Variants in ALDH4A1 observed in about 807,000 individuals in gnomAD.
The protein encoded by ALDH4A1 is aldehyde dehydrogenase 4 family member A1.
In ALDH4A1, 46 loss-of-function variants were observed where a neutral mutation model predicts 70.5. That is an observed-to-expected ratio of 0.65 (90% CI 0.51 to 0.83). ALDH4A1 has a LOEUF of 0.83. Ranked by LOEUF, ALDH4A1 falls within the 40% of genes least tolerant of loss-of-function variation. The probability of loss-of-function intolerance (pLI) is 0.00; values close to 1 mark genes in which losing one functional copy is unlikely to be tolerated. For missense variants in ALDH4A1, 749 were observed against 766.5 expected (o/e 0.98, Z 0.27); for synonymous variants, 323 against 324.3 (o/e 1.00, Z 0.04).
rs1036520545 is a variant in ALDH4A1 at position 18,880,041 on chromosome 1, G to A, written c.867-668C>T. On this transcript the variant is annotated intron_variant, in intron 8 of 14. Coordinates refer to ENST00000375341, the MANE Select transcript of ALDH4A1 (RefSeq NM_003748.4). The surrounding 1 kb of genome is among the most constrained non-coding windows in gnomAD (Gnocchi z 5.1). ...TTAAGCCCGCTGCTCATCAGAGCGTGGAGAATGGGGTCCAGGCCCGCTCCG... is the reference window on the plus strand; with the variant it reads ...TTAAGCCCGCTGCTCATCAGAGCGTAGAGAATGGGGTCCAGGCCCGCTCCG... 3.4e-5 allele frequency among the ~76,000 whole-genome samples: 5 copies of A among 146,300 alleles called. No homozygotes were observed. The highest frequency in any genetic ancestry group is 6.0e-5 in the Non-Finnish European group (4 of 66,700).
rs138899009 is a variant in ALDH4A1, at chr1:18,872,894, T to C, written c.1643A>G (p.Lys548Arg). 1.2e-5 allele frequency: 19 copies of C among 1,614,110 alleles called. No individual in the cohort carries two copies. In the African/African-American group the frequency reaches 1.9e-4, roughly 16 times the overall value. ...ILRWTSPQVI[K>R]ETHKPLGDWS... ...GTCCCCCAGGGGCTTATGTGTCTCC[T>C]TGATGACCTGCGGCGACGTCCAGCG... Residue 548 changes from lysine to arginine, a missense_variant, in exon 15 of 15, where the codon AAG becomes AGG. Lys to Arg is a conservative substitution (Grantham distance 26). Coordinates refer to ENST00000375341, the MANE Select transcript of ALDH4A1 (RefSeq NM_003748.4).
At chr1:18,895,307 G>A (rs1232338764) in intron 1 of ALDH4A1, among the ~76,000 whole-genome samples, 1 of 152,204 alleles carries the variant, frequency 6.6e-6, no homozygotes, top group Non-Finnish European at 1.5e-5. Flanking sequence ...CTGAGCCTGA[G>A]ACCTCAAGTT....
chr1:18,877,015 T>G (rs1045982032), intron 11 of ALDH4A1, among the ~76,000 whole-genome samples, 193 bp downstream of exon 11: 1 of 152,192 alleles, frequency 6.6e-6, no homozygotes, highest in African/African-American at 2.4e-5. Context: ...GGCCGCAAGA[T>G]GAGCTCTTGT....
rs528211463 is a variant in ALDH4A1, at chr1:18,872,856, A to G, written c.1681T>C (p.Tyr561His). 3.7e-6 allele frequency: 6 copies of G among 1,613,600 alleles called. No individual in the cohort carries two copies. In the South Asian group the frequency reaches 4.4e-5, roughly 12 times the overall value. Residue 561 changes from tyrosine to histidine, a missense_variant, in exon 15 of 15, where the codon TAC becomes CAC. Tyr to His is a moderately conservative substitution (Grantham distance 83, BLOSUM62 2). Transcript: ENST00000375341. ...AGCCCGAGAGGGGCTCACTGCATGTACGCGTAGCTCCAGTCCCCCAGGGGC... is the reference window on the plus strand; with the variant it reads ...AGCCCGAGAGGGGCTCACTGCATGTGCGCGTAGCTCCAGTCCCCCAGGGGC... ...HKPLGDWSYA[Y>H]MQ
At position 18,875,053 on chromosome 1, in the gene ALDH4A1, T is replaced by G. The variant is rs114273121; in HGVS notation, c.1460+329A>C. ...TCTGCAGCCCCTGGCCTGCCCTGCT[T>G]TGTAGCATGGGACAATCACCTCACT... is the stretch of plus-strand genomic sequence containing the variant. On this transcript the variant is annotated intron_variant, in intron 13 of 14. Transcript: ENST00000375341. Among the ~76,000 whole-genome samples the G allele has an allele frequency of 7.9e-3, 1,200 of 152,302 alleles. 14 individuals carry two copies. The highest frequency in any genetic ancestry group is 0.027 in the African/African-American group (1,117 of 41,558).
rs560675999 is a variant in ALDH4A1, at chr1:18,879,187, T to C, written c.940+113A>G. On this transcript the variant is annotated intron_variant, in intron 9 of 14. Coordinates refer to ENST00000375341, the MANE Select transcript of ALDH4A1 (RefSeq NM_003748.4). ...TACTGGGCAGTGCTGGTGCCTGAAATGGTTCATCCACCTGACTTGTGGCTG... is the reference window on the plus strand; with the variant it reads ...TACTGGGCAGTGCTGGTGCCTGAAACGGTTCATCCACCTGACTTGTGGCTG... 4.7e-4 allele frequency: 498 copies of C among 1,061,722 alleles called. 2 individuals carry two copies. Among genetic ancestry groups the C allele is most frequent in the Non-Finnish European group, 5.4e-4 (380 of 707,582 alleles). The allele number at this position is 1,061,722 out of a possible 1,614,324, so 65.8% of individuals were successfully genotyped here. A position where few individuals can be genotyped will look rare whatever the true frequency, so the allele number is the denominator to read the frequency against.
At chr1:18,889,295 G>A (rs1013326897) in intron 3 of ALDH4A1, 67 bp downstream of exon 3, 195 of 1,394,324 alleles carry the variant, frequency 1.4e-4, no homozygotes, top group Non-Finnish European at 1.8e-4. Flanking sequence ...ATAAGCTTAC[G>A]AGCTGTCAGA....
intron 1 of ALDH4A1, among the ~76,000 whole-genome samples, chr1:18,899,538 A>G (rs1935730989): frequency 6.6e-6 from 1 of 151,698 alleles, no homozygotes; most frequent in Admixed American, 6.5e-5. Flanking sequence ...GTTGATTGAG[A>G]AAAAAACAGG....
intron 11 of ALDH4A1, 106 bp downstream of exon 11, chr1:18,877,102 G>A (rs1934728233): frequency 5.7e-6 from 8 of 1,406,736 alleles, no homozygotes; most frequent in Non-Finnish European, 7.9e-6. Context: ...TCAAAGCAGT[G>A]GGGCTGGGTC....
At chr1:18,881,967 G>A in intron 7 of ALDH4A1, 80 bp from the exon 8 acceptor site, 1 of 1,360,282 alleles carries the variant, frequency 7.4e-7, no homozygotes, top group Non-Finnish European at 1.0e-6. Context: ...CCTACAGCAT[G>A]GTTGTCCCTC....
rs1487729293 is a variant in ALDH4A1, at chr1:18,902,443, G to A, written c.62+19C>T. 62 of 1,342,876 alleles carry A rather than the reference G, an allele frequency of 4.6e-5. No homozygotes were observed. Among genetic ancestry groups the A allele is most frequent in the Non-Finnish European group, 5.7e-5 (60 of 1,049,808 alleles). 83.2% of individuals were successfully genotyped at this position (1,342,876 alleles called of 1,614,324 possible). On this transcript the variant is annotated intron_variant, in intron 1 of 14. Transcript: ENST00000375341. ...CCCAGGCGCGCGCTCGGGCCGCCCC[G>A]GGCCCCGTGCTCACTCACCCGGCCC...
At chr1:18,873,088 G>T in intron 14 of ALDH4A1, 131 bp from the exon 15 acceptor site, 2 of 772,092 alleles carry the variant, frequency 2.6e-6, no homozygotes, top group Non-Finnish European at 4.4e-6. Context: ...CAAGCTTGGG[G>T]CATGCAGAAG....
At position 18,898,132 on chromosome 1, in the gene ALDH4A1, A is replaced by G. The variant is rs186364403; in HGVS notation, c.62+4330T>C. Among the ~76,000 whole-genome samples, 159 of 152,046 alleles carry G rather than the reference A, an allele frequency of 1.0e-3. No homozygotes were observed. The highest frequency in any genetic ancestry group is 3.8e-3 in the African/African-American group (157 of 41,480). Reference sequence around the variant, plus strand: ...GGAGGTTGAGATCATCCTGGCCAACATGGTGAAACCCCGTCTCTACGAAAA... The same window carrying G: ...GGAGGTTGAGATCATCCTGGCCAACGTGGTGAAACCCCGTCTCTACGAAAA... On this transcript the variant is annotated intron_variant, in intron 1 of 14. Coordinates refer to ENST00000375341, the MANE Select transcript of ALDH4A1 (RefSeq NM_003748.4). The surrounding 1 kb of genome is among the most constrained non-coding windows in gnomAD (Gnocchi z 4.3).
At position 18,880,379 on chromosome 1, in the gene ALDH4A1, CT is replaced by C. The variant is rs1168646642; in HGVS notation, c.867-1007del. On this transcript the variant is annotated intron_variant, in intron 8 of 14. Transcript: ENST00000375341. The surrounding 1 kb of genome is among the most constrained non-coding windows in gnomAD (Gnocchi z 5.1). Reference sequence around the variant, plus strand: ...TTGAACATTCTCGCTGACAACCCCCCTCATCCCCACACGCACCCCAACCCCA... The same window carrying C: ...TTGAACATTCTCGCTGACAACCCCCCCATCCCCACACGCACCCCAACCCCA... Among the ~76,000 whole-genome samples the C allele has an allele frequency of 6.6e-6, 1 of 152,158 alleles. No homozygotes were observed. Among genetic ancestry groups the C allele is most frequent in the African/African-American group, 2.4e-5 (1 of 41,444 alleles).
intron 1 of ALDH4A1, chr1:18,897,040 C>T (rs779480239): frequency 1.9e-6 from 1 of 533,076 alleles, no homozygotes; most frequent in South Asian, 1.4e-5. Context: ...ACTGAATCCA[C>T]CACATAAGCG....
At chr1:18,879,693 G>T (rs1934886457) in intron 8 of ALDH4A1, among the ~76,000 whole-genome samples, 1 of 152,186 alleles carries the variant, frequency 6.6e-6, no homozygotes, top group Non-Finnish European at 1.5e-5. Context: ...TCCTGACCTG[G>T]CAGGGTTGTT....
intron 4 of ALDH4A1, 37 bp from the exon 5 acceptor site, chr1:18,885,665 C>A: frequency 6.2e-7 from 1 of 1,613,060 alleles, no homozygotes; most frequent in Non-Finnish European, 8.5e-7. Context: ...CTGCCACCTG[C>A]AGCGGGAAAG....
Position 18,877,556 on chromosome 1 carries a change from C to T in ALDH4A1, c.997G>A (p.Val333Met). 6.2e-7 allele frequency: 1 copy of T among 1,612,100 alleles called. No individual in the cohort carries two copies. The highest frequency in any genetic ancestry group is 8.5e-7 in the Non-Finnish European group (1 of 1,179,724). The change falls in exon 10 of 15, where the codon GTG becomes ATG. Residue 333 changes from valine (V) to methionine (M), a missense_variant. Transcript: ENST00000375341. ...AAGGCTGAGCGGAGGGTCCCGCTCA[C>T]CACGCTCTCCACGTCGGCCGAGCGG... ...VHRSADVESV[V>M]SGTLRSAFEY...
chr1:18,887,530 C>T (rs928643890), intron 3 of ALDH4A1, among the ~76,000 whole-genome samples: 7 of 152,018 alleles, frequency 4.6e-5, no homozygotes, highest in Admixed American at 3.3e-4. Context: ...ACCTGGGAGG[C>T]GGAGCTTGCA....
Sources: gnomAD v4.1 joint callset for allele counts (sites outside exome capture counted in the v4.1 genomes callset) on GRCh38, gnomAD v4.1.1 for gene constraint, Gnocchi (gnomAD v3.1) non-coding constraint, MANE v1.5 for transcripts, NCBI Gene and HGNC (gene_info 2026-07-23, HGNC 2026-07-21) for gene names.